Variants in CACNA2D3 observed in about 807,000 individuals in gnomAD.
The protein encoded by CACNA2D3 is voltage-dependent calcium channel subunit alpha-2/delta-3.
In CACNA2D3, 60 loss-of-function variants were observed where a neutral mutation model predicts 160.6. That is an observed-to-expected ratio of 0.37 (90% CI 0.30 to 0.46). The LOEUF (loss-of-function observed/expected upper bound fraction) is 0.46. Ranked by LOEUF, CACNA2D3 falls within the 20% of genes least tolerant of loss-of-function variation. The probability of loss-of-function intolerance (pLI) is 1.00; values close to 1 mark genes in which losing one functional copy is unlikely to be tolerated. For synonymous variants in CACNA2D3, 558 were observed against 492.9 expected, an observed-to-expected ratio of 1.13 and a Z score of -1.75; for missense variants, 1,205 against 1,365.0, an observed-to-expected ratio of 0.88 and a Z score of 1.85.
chr3:54,403,725 TAAAC>T (rs756676074), intron 4 of CACNA2D3, among the ~76,000 whole-genome samples: 63 of 151,978 alleles, frequency 4.1e-4, no homozygotes, highest in Admixed American at 2.2e-3. Context: ...TTTGAAAACT[TAAAC>T]AAAATTAACA....
At chr3:54,217,784 A>G (rs1265449148) in intron 2 of CACNA2D3, among the ~76,000 whole-genome samples, 1 of 152,122 alleles carries the variant, frequency 6.6e-6, no homozygotes. Context: ...GGGAGAGAAT[A>G]AGTTTCTGTT....
chr3:54,629,403 C>T (rs1699186231), intron 10 of CACNA2D3, among the ~76,000 whole-genome samples: 1 of 152,184 alleles, frequency 6.6e-6, no homozygotes, highest in South Asian at 2.1e-4. Context: ...TTTCCAGACT[C>T]TCTTTTACCA....
intron 4 of CACNA2D3, among the ~76,000 whole-genome samples, chr3:54,394,217 A>G (rs1294448529): frequency 2.0e-5 from 3 of 151,646 alleles, no homozygotes; most frequent in Non-Finnish European, 2.9e-5. Flanking sequence ...TACAACTACA[A>G]CCCAGCTCCC....
At chr3:54,253,540 G>A (rs1243514554) in intron 2 of CACNA2D3, among the ~76,000 whole-genome samples, 13 of 152,134 alleles carry the variant, frequency 8.5e-5, no homozygotes, top group Non-Finnish European at 1.2e-4. Context: ...AACCATTCAT[G>A]AGTGATCCGG....
intron 27 of CACNA2D3, among the ~76,000 whole-genome samples, chr3:54,952,186 G>T (rs1345830184): frequency 6.6e-6 from 1 of 152,142 alleles, no homozygotes; most frequent in South Asian, 2.1e-4. Context: ...ACCCCTGTTG[G>T]TTCTATACTA....
At chr3:54,440,232 G>C (rs1241207041) in intron 4 of CACNA2D3, among the ~76,000 whole-genome samples, 1 of 152,188 alleles carries the variant, frequency 6.6e-6, no homozygotes, top group Non-Finnish European at 1.5e-5. Context: ...ATGCCACCCA[G>C]CTCTGACCTT....
chr3:54,571,368 C>T (rs1702494036), intron 8 of CACNA2D3, among the ~76,000 whole-genome samples: 1 of 152,152 alleles, frequency 6.6e-6, no homozygotes, highest in Admixed American at 6.5e-5. Context: ...CCATCACGGC[C>T]TGAAACAGTC....
intron 11 of CACNA2D3, among the ~76,000 whole-genome samples, chr3:54,747,708 C>G (rs1481565115): frequency 6.6e-6 from 1 of 152,146 alleles, no homozygotes; most frequent in Non-Finnish European, 1.5e-5. Context: ...ATCCCTGGAG[C>G]TTCCCTGTCG....
At chr3:54,140,453 C>G (rs1334184556) in intron 2 of CACNA2D3, among the ~76,000 whole-genome samples, 1 of 152,232 alleles carries the variant, frequency 6.6e-6, no homozygotes, top group Non-Finnish European at 1.5e-5. Flanking sequence ...CCCACTTTCT[C>G]TCACATTTCC....
intron 27 of CACNA2D3, chr3:54,924,687 TC>T: frequency 6.2e-7 from 1 of 1,614,166 alleles, no homozygotes; most frequent in Non-Finnish European, 8.5e-7. Context: ...CCAGAGGTTG[TC>T]CTTGAGAAGT....
chr3:54,134,652 A>G (rs1699783506), intron 2 of CACNA2D3, among the ~76,000 whole-genome samples: 1 of 152,220 alleles, frequency 6.6e-6, no homozygotes, highest in African/African-American at 2.4e-5. Flanking sequence ...ACAACAGTCC[A>G]GCCCCAAAGC....
intron 11 of CACNA2D3, among the ~76,000 whole-genome samples, chr3:54,652,610 G>T (rs1699792493): frequency 6.6e-6 from 1 of 151,974 alleles, no homozygotes; most frequent in Non-Finnish European, 1.5e-5. Context: ...GGTAGGAAAA[G>T]GTGGATGTGT....
chr3:55,066,587 A>G (rs996312099), intron 35 of CACNA2D3, among the ~76,000 whole-genome samples: 1 of 152,088 alleles, frequency 6.6e-6, no homozygotes, highest in Non-Finnish European at 1.5e-5. Flanking sequence ...CTCGGAAGAT[A>G]GTGTGCGGCA....
intron 13 of CACNA2D3, among the ~76,000 whole-genome samples, chr3:54,801,841 G>C (rs1402525859): frequency 1.3e-5 from 2 of 151,958 alleles, no homozygotes; most frequent in Admixed American, 6.6e-5. Flanking sequence ...CCCCAAACTA[G>C]AGATTGAGAA....
Position 54,816,845 on chromosome 3 carries a change from C to T in CACNA2D3, c.1381-8C>T, listed in dbSNP as rs778585066. On this transcript the variant is annotated splice_polypyrimidine_tract_variant and splice_region_variant and intron_variant, in intron 13 of 37. Coordinates refer to ENST00000474759, the MANE Select transcript of CACNA2D3 (RefSeq NM_018398.3). The stretch of plus-strand genomic sequence containing the variant: ...TCTTTTTTGTTTTGTTTTGTTTTCC[C>T]CCTTCAGCTCCCTCAGGCACAAAAG... 5 of 1,613,150 alleles carry T rather than the reference C, an allele frequency of 3.1e-6. No homozygotes were observed. Among genetic ancestry groups the T allele is most frequent in the Admixed American group, 3.3e-5 (2 of 59,918 alleles).
chr3:54,859,986 A>G (rs1208273890), intron 17 of CACNA2D3, among the ~76,000 whole-genome samples: 49 of 151,354 alleles, frequency 3.2e-4, no homozygotes, highest in East Asian at 1.4e-3. Context: ...ACACACACAC[A>G]CACACACACA....
intron 9 of CACNA2D3, among the ~76,000 whole-genome samples, chr3:54,586,849 A>G (rs1380274917): frequency 1.3e-5 from 2 of 152,134 alleles, no homozygotes; most frequent in Non-Finnish European, 2.9e-5. Context: ...AGAACAGGAA[A>G]TTCATAACAG....
chr3:54,124,616 T>G (rs947019953), intron 2 of CACNA2D3, among the ~76,000 whole-genome samples: 1 of 152,238 alleles, frequency 6.6e-6, no homozygotes, highest in Admixed American at 6.5e-5. Flanking sequence ...GTATTTTATT[T>G]ATGGCATTCC....
At position 54,541,049 on chromosome 3, in the gene CACNA2D3, G is replaced by A. The variant is rs1485580831; in HGVS notation, c.545-21751G>A. Reference sequence around the variant, plus strand: ...TCCCAGCACTTTGGGAGGCCAAGGTGGGCAGATCACGAGGTCAGGATATTG... The same window carrying A: ...TCCCAGCACTTTGGGAGGCCAAGGTAGGCAGATCACGAGGTCAGGATATTG... On this transcript the variant is annotated intron_variant, in intron 5 of 37. Coordinates refer to ENST00000474759, the MANE Select transcript of CACNA2D3 (RefSeq NM_018398.3). 7.9e-5 allele frequency among the ~76,000 whole-genome samples: 12 copies of A among 152,108 alleles called. No individual in the cohort carries two copies. In the East Asian group the frequency reaches 2.3e-3, roughly 30 times the overall value.
Sources: gnomAD v4.1 joint callset for allele counts (sites outside exome capture counted in the v4.1 genomes callset) on GRCh38, gnomAD v4.1.1 for gene constraint, MANE v1.5 for transcripts, NCBI Gene and HGNC (gene_info 2026-07-23, HGNC 2026-07-21) for gene names.